Variants in DEPDC1B observed in about 807,000 individuals in gnomAD.
DEPDC1B encodes the protein DEP domain-containing protein 1B.
In DEPDC1B, 51 loss-of-function variants were observed where a neutral mutation model predicts 66.5. The observed-to-expected ratio is 0.77, with a 90% CI of 0.61 to 0.97. DEPDC1B has a LOEUF of 0.97. Among genes scored for constraint, DEPDC1B ranks in the 50% least tolerant of loss-of-function variants. The probability of loss-of-function intolerance (pLI) is 0.00; values close to 1 mark genes in which losing one functional copy is unlikely to be tolerated. For synonymous variants in DEPDC1B, 226 were observed against 223.6 expected (o/e 1.01, Z -0.10); for missense variants, 552 against 637.1 (o/e 0.87, Z 1.44).
chr5:60,643,896 T>C (rs906069308), intron 5 of DEPDC1B, among the ~76,000 whole-genome samples: 6 of 152,306 alleles, frequency 3.9e-5, no homozygotes, highest in Middle Eastern at 3.4e-3. Flanking sequence ...AAACATGGCA[T>C]AGAAAAATCT....
intron 3 of DEPDC1B, 30 bp downstream of exon 3, chr5:60,647,368 G>A: frequency 5.1e-6 from 8 of 1,569,336 alleles, no homozygotes; most frequent in Non-Finnish European, 6.9e-6. Context: ...CCTGCTGCCA[G>A]CCCTTCCATC....
At chr5:60,694,628 T>A (rs1392001018) in intron 1 of DEPDC1B, among the ~76,000 whole-genome samples, 1 of 152,250 alleles carries the variant, frequency 6.6e-6, no homozygotes, top group Admixed American at 6.5e-5. Flanking sequence ...TGCATTTTCA[T>A]ATCTTTACCT....
chr5:60,605,881 A>G, intron 7 of DEPDC1B, 25 bp from the exon 8 acceptor site: 3 of 1,591,200 alleles, frequency 1.9e-6, no homozygotes, highest in South Asian at 1.1e-5. Context: ...AAAAAATGTT[A>G]TCTTTCAACA....
chr5:60,602,752 T>A (rs1752225368), intron 9 of DEPDC1B, among the ~76,000 whole-genome samples: 1 of 152,156 alleles, frequency 6.6e-6, no homozygotes, highest in African/African-American at 2.4e-5. Context: ...CACAACTTTA[T>A]AAAGAAAGAA....
chr5:60,652,181 C>A (rs1205400573), intron 2 of DEPDC1B, among the ~76,000 whole-genome samples: 4 of 149,226 alleles, frequency 2.7e-5, no homozygotes, highest in Admixed American at 2.7e-4. Context: ...TGTGCAATTG[C>A]GCTTCATGCA....
At chr5:60,627,836 C>T (rs1752837701) in intron 7 of DEPDC1B, among the ~76,000 whole-genome samples, 1 of 151,772 alleles carries the variant, frequency 6.6e-6, no homozygotes, top group South Asian at 2.1e-4. Flanking sequence ...AAAGTATTAC[C>T]CAATACTTTA....
chr5:60,648,463 A>C (rs542980531), intron 2 of DEPDC1B, among the ~76,000 whole-genome samples: 1 of 152,314 alleles, frequency 6.6e-6, no homozygotes, highest in African/African-American at 2.4e-5. Flanking sequence ...CTCCCACGGG[A>C]TGTGCACTGC....
intron 2 of DEPDC1B, among the ~76,000 whole-genome samples, chr5:60,671,970 A>G (rs1754050263): frequency 6.6e-6 from 1 of 152,238 alleles, no homozygotes; most frequent in Non-Finnish European, 1.5e-5. Flanking sequence ...TATTAGATGT[A>G]AAGTCTTACT....
intron 2 of DEPDC1B, among the ~76,000 whole-genome samples, chr5:60,675,822 A>G (rs1156589783): frequency 1.3e-5 from 2 of 151,452 alleles, no homozygotes; most frequent in Non-Finnish European, 2.9e-5. Flanking sequence ...TGTCCCTATT[A>G]TTCAATTAAC....
chr5:60,645,451 C>A, intron 4 of DEPDC1B, 41 bp downstream of exon 4: 3 of 1,521,008 alleles, frequency 2.0e-6, no homozygotes, highest in South Asian at 1.3e-5. Context: ...AAATAGGAAA[C>A]AATATCTCTA....
intron 3 of DEPDC1B, among the ~76,000 whole-genome samples, chr5:60,646,210 C>T (rs920231776): frequency 2.0e-5 from 3 of 152,030 alleles, no homozygotes; most frequent in Admixed American, 1.3e-4. Context: ...TGGTCTTCTA[C>T]TGGGGGTATT....
intron 1 of DEPDC1B, among the ~76,000 whole-genome samples, chr5:60,693,522 T>A (rs1277154972): frequency 6.6e-6 from 1 of 152,102 alleles, no homozygotes; most frequent in Non-Finnish European, 1.5e-5. Flanking sequence ...AAGGATAATA[T>A]ATAAAATGTC....
At chr5:60,647,045 A>G (rs1166199814) in intron 3 of DEPDC1B, among the ~76,000 whole-genome samples, 1 of 152,166 alleles carries the variant, frequency 6.6e-6, no homozygotes, top group Non-Finnish European at 1.5e-5. Flanking sequence ...AATATAAATA[A>G]AATGCACAAT....
At chr5:60,682,720 C>T (rs1351616575) in intron 2 of DEPDC1B, among the ~76,000 whole-genome samples, 3 of 152,062 alleles carry the variant, frequency 2.0e-5, no homozygotes, top group African/African-American at 7.2e-5. Flanking sequence ...ACACATGTAA[C>T]TTACCATGAT....
chr5:60,613,539 T>C (rs1268868557), intron 7 of DEPDC1B, among the ~76,000 whole-genome samples: 2 of 152,098 alleles, frequency 1.3e-5, no homozygotes, highest in South Asian at 2.1e-4. Context: ...CACAAAGCAA[T>C]GTGGAAGACA....
chr5:60,633,980 C>A (rs1360345877), intron 7 of DEPDC1B, among the ~76,000 whole-genome samples: 1 of 152,146 alleles, frequency 6.6e-6, no homozygotes, highest in African/African-American at 2.4e-5. Flanking sequence ...GAGACAGAGA[C>A]TTAAAGCTAC....
At chr5:60,623,891 T>C (rs1561363527) in intron 7 of DEPDC1B, among the ~76,000 whole-genome samples, 1 of 152,182 alleles carries the variant, frequency 6.6e-6, no homozygotes, top group South Asian at 2.1e-4. Flanking sequence ...TTAAGTTTAA[T>C]TATTAATTCA....
intron 7 of DEPDC1B, among the ~76,000 whole-genome samples, chr5:60,617,098 G>A (rs904318752): frequency 9.9e-5 from 15 of 152,238 alleles, no homozygotes; most frequent in African/African-American, 3.4e-4. Context: ...GAGAGATTTT[G>A]TCACCACCAG....
intron 7 of DEPDC1B, among the ~76,000 whole-genome samples, chr5:60,625,969 T>C (rs1459401587): frequency 2.0e-5 from 3 of 152,148 alleles, no homozygotes; most frequent in Non-Finnish European, 4.4e-5. Flanking sequence ...ACTCCTAAAG[T>C]CAAATTTAGT....
Sources: allele counts gnomAD v4.1 joint callset (sites outside exome capture counted in the v4.1 genomes callset), GRCh38; gene constraint gnomAD v4.1.1; transcripts MANE v1.5; gene names NCBI Gene and HGNC (gene_info 2026-07-23, HGNC 2026-07-21).